CDH13: variants seen among roughly 807,000 people sequenced by gnomAD.
The protein encoded by CDH13 is cadherin-13.
In CDH13, 24 loss-of-function variants were observed where a neutral mutation model predicts 63.8. The observed-to-expected ratio is 0.38, with a 90% confidence interval of 0.27 to 0.53. The LOEUF (loss-of-function observed/expected upper bound fraction) is 0.53, where lower values mean the gene tolerates loss of function less well. Among genes scored for constraint, CDH13 ranks in the 20% least tolerant of loss-of-function variants. The pLI, the probability that CDH13 is intolerant of heterozygous loss-of-function variation, is 0.85. For synonymous variants in CDH13, 503 were observed against 355.3 expected (o/e 1.42, Z -4.67); for missense variants, 1,049 against 903.1 (o/e 1.16, Z -2.07).
At chr16:83,304,315 G>T (rs1474866826) in intron 5 of CDH13, among the ~76,000 whole-genome samples, 7 of 152,166 alleles carry the variant, frequency 4.6e-5, no homozygotes, top group African/African-American at 1.4e-4. Context: ...GGGGAGTGAG[G>T]CAAGATTGGA....
chr16:83,173,364 G>T (rs1378866663), intron 4 of CDH13, among the ~76,000 whole-genome samples: 1 of 152,132 alleles, frequency 6.6e-6, no homozygotes, highest in African/African-American at 2.4e-5. Flanking sequence ...GAACTTGTCA[G>T]AGCTTTTAAA....
intron 3 of CDH13, among the ~76,000 whole-genome samples, chr16:83,051,991 G>C (rs1254885891): frequency 6.6e-6 from 1 of 151,964 alleles, no homozygotes; most frequent in Non-Finnish European, 1.5e-5. Context: ...ATGTCATGTG[G>C]AAATGAGAAT....
chr16:82,901,072 GAT>G (rs2151242903), intron 2 of CDH13, among the ~76,000 whole-genome samples: 1 of 90,364 alleles, frequency 1.1e-5, no homozygotes, highest in African/African-American at 4.4e-5. Context: ...AATGTATATT[GAT>G]TTTTTTTTTT....
intron 2 of CDH13, among the ~76,000 whole-genome samples, chr16:82,974,906 T>C (rs1165645331): frequency 6.6e-6 from 1 of 152,198 alleles, no homozygotes. Context: ...TCCTGGGGAT[T>C]TGTTACAGCG....
chr16:83,390,381 T>C (rs1008503440), intron 6 of CDH13, among the ~76,000 whole-genome samples: 4 of 152,146 alleles, frequency 2.6e-5, no homozygotes, highest in Non-Finnish European at 5.9e-5. Context: ...GAACCATGTA[T>C]GGTTAAGTCC....
intron 7 of CDH13, 34 bp from the exon 8 acceptor site, chr16:83,602,420 T>A: frequency 6.2e-7 from 1 of 1,612,980 alleles, no homozygotes. Context: ...CAAATCTAAA[T>A]GTCATATTAT....
chr16:82,743,724 C>T (rs2034038117), intron 1 of CDH13, among the ~76,000 whole-genome samples: 1 of 152,256 alleles, frequency 6.6e-6, no homozygotes, highest in African/African-American at 2.4e-5. Context: ...TTGCTTGTCC[C>T]CCACTGTTAA....
chr16:82,668,998 C>G (rs1340033725), intron 1 of CDH13, among the ~76,000 whole-genome samples: 1 of 152,182 alleles, frequency 6.6e-6, no homozygotes, highest in Non-Finnish European at 1.5e-5. Context: ...TGCAGTCCTG[C>G]TGATTTTCAT....
At chr16:82,853,628 T>C (rs761657486) in intron 1 of CDH13, among the ~76,000 whole-genome samples, 8 of 152,232 alleles carry the variant, frequency 5.3e-5, no homozygotes, top group Admixed American at 3.3e-4. Flanking sequence ...CCTGTGCTTA[T>C]AGTCCGTCTG....
chr16:83,365,212 T>G (rs1037909135), intron 6 of CDH13, among the ~76,000 whole-genome samples: 1 of 152,178 alleles, frequency 6.6e-6, no homozygotes, highest in Admixed American at 6.5e-5. Context: ...ATGGTATCAT[T>G]TCCAGTCTAA....
intron 6 of CDH13, among the ~76,000 whole-genome samples, chr16:83,363,362 G>C (rs2091199927): frequency 6.6e-6 from 1 of 152,228 alleles, no homozygotes; most frequent in South Asian, 2.1e-4. Context: ...ACATATGTGA[G>C]TATGCATGTG....
chr16:83,025,690 A>G (rs1385644440), intron 2 of CDH13, among the ~76,000 whole-genome samples: 1 of 152,184 alleles, frequency 6.6e-6, no homozygotes, highest in Non-Finnish European at 1.5e-5. Context: ...AGGATTAGAA[A>G]AGGGCTTAGA....
intron 2 of CDH13, among the ~76,000 whole-genome samples, chr16:82,933,629 T>A (rs531918000): frequency 7.9e-5 from 12 of 152,162 alleles, no homozygotes; most frequent in Non-Finnish European, 1.6e-4. Context: ...ATAGTCTGAT[T>A]TGAGACAAGG....
rs77022849 is a variant in CDH13, at chr16:82,771,179, C to T, written c.46-87183C>T. 3.8e-3 allele frequency among the ~76,000 whole-genome samples: 573 copies of T among 152,236 alleles called. 4 individuals are homozygous for T. The highest frequency in any genetic ancestry group is 0.02 in the South Asian group (94 of 4,812). ...CATAACTTGTTTATCACAAGTCAGACCCAGAATATTTAGCTCTTCCTTTGT... is the reference window on the plus strand; with the variant it reads ...CATAACTTGTTTATCACAAGTCAGATCCAGAATATTTAGCTCTTCCTTTGT... On this transcript the variant is annotated intron_variant, in intron 1 of 13. Transcript: ENST00000567109.
At chr16:82,860,940 G>C (rs1429585311) in intron 2 of CDH13, among the ~76,000 whole-genome samples, 1 of 152,074 alleles carries the variant, frequency 6.6e-6, no homozygotes, top group Non-Finnish European at 1.5e-5. Context: ...CTCATTCTCA[G>C]TTTATTTTGC....
rs1904295406 is a variant in CDH13 at position 83,798,618 on chromosome 16, G to A, written c.*3588G>A. Reference sequence around the variant, plus strand: ...CAGGCTATCTGGCTCCAGGGTTCATGTTCTTCCGACAACATCACAATGCCA... The same window carrying A: ...CAGGCTATCTGGCTCCAGGGTTCATATTCTTCCGACAACATCACAATGCCA... On this transcript the variant is annotated 3_prime_UTR_variant, in exon 14 of 14. Coordinates refer to ENST00000567109, the MANE Select transcript of CDH13 (RefSeq NM_001257.5). The A allele has an allele frequency of 6.6e-6, 1 of 152,168 alleles. No individual in the cohort carries two copies. 9.4% of individuals were successfully genotyped at this position (152,168 alleles called of 1,614,324 possible). A position where few individuals can be genotyped will look rare whatever the true frequency, so the allele number is the denominator to read the frequency against.
At chr16:83,631,478 T>C (rs1402782527) in intron 8 of CDH13, among the ~76,000 whole-genome samples, 2 of 152,124 alleles carry the variant, frequency 1.3e-5, no homozygotes, top group East Asian at 3.9e-4. Context: ...TCTCATGTAA[T>C]GTTTTTGGGA....
At chr16:83,764,125 G>A (rs1914194126) in intron 11 of CDH13, among the ~76,000 whole-genome samples, 1 of 152,156 alleles carries the variant, frequency 6.6e-6, no homozygotes, top group African/African-American at 2.4e-5. Flanking sequence ...GACTTGAACT[G>A]AGTCATGGAC....
In CDH13 at chr16:82,987,345, TTTTTG is replaced by T. The variant is rs901704746; in HGVS notation, c.158-44646_158-44642del. Among the ~76,000 whole-genome samples the T allele has an allele frequency of 7.9e-5, 12 of 151,314 alleles. No homozygotes were observed. In the East Asian group the frequency reaches 1.4e-3, roughly 17 times the overall value. ...TGCCTCATTGGCATGAATCAGCCAATTTTTGTTTTGTTTTGTTTTGTTTGTTTGTT... is the reference window on the plus strand; with the variant it reads ...TGCCTCATTGGCATGAATCAGCCAATTTTTGTTTTGTTTTGTTTGTTTGTT... On this transcript the variant is annotated intron_variant, in intron 2 of 13. Coordinates refer to ENST00000567109, the MANE Select transcript of CDH13 (RefSeq NM_001257.5).
Sources: gnomAD v4.1 joint callset for allele counts (sites outside exome capture counted in the v4.1 genomes callset) on GRCh38, gnomAD v4.1.1 for gene constraint, MANE v1.5 for transcripts, NCBI Gene and HGNC (gene_info 2026-07-23, HGNC 2026-07-21) for gene names.